The following LCOR variants were observed in gnomAD, a reference collection of about 807,000 sequenced individuals.
LCOR encodes ligand-dependent corepressor.
A neutral mutation model predicts 64.4 loss-of-function variants in LCOR; 14 were observed. The observed-to-expected ratio is 0.22, with a 90% CI of 0.14 to 0.34. The LOEUF (loss-of-function observed/expected upper bound fraction) is 0.34. LCOR is among the 10% of genes least tolerant of loss of function. The probability of loss-of-function intolerance (pLI) is 1.00; values close to 1 mark genes in which losing one functional copy is unlikely to be tolerated. For missense variants in LCOR, 1,686 were observed against 1,765.3 expected (o/e 0.96, Z 0.80); for synonymous variants, 643 against 642.5 (o/e 1.00, Z -0.01).
At chr10:96,899,576 T>A (rs1846598670) in intron 2 of LCOR, among the ~76,000 whole-genome samples, 1 of 152,114 alleles carries the variant, frequency 6.6e-6, no homozygotes, top group Non-Finnish European at 1.5e-5. Flanking sequence ...TTAACAAACT[T>A]TTGATAAATA....
intron 2 of LCOR, among the ~76,000 whole-genome samples, chr10:96,834,248 A>C (rs1845401358): frequency 6.6e-6 from 1 of 152,222 alleles, no homozygotes; most frequent in Non-Finnish European, 1.5e-5. Flanking sequence ...TGGTTGTCCA[A>C]AGGTTAAAAG....
At chr10:96,953,621 C>T (rs773670792) in intron 7 of LCOR, among the ~76,000 whole-genome samples, 11 of 152,174 alleles carry the variant, frequency 7.2e-5, no homozygotes, top group African/African-American at 1.2e-4. Flanking sequence ...AGTCCATGTG[C>T]AGTTTGCATA....
intron 4 of LCOR, among the ~76,000 whole-genome samples, chr10:96,919,512 A>G (rs1283916225): frequency 6.6e-6 from 1 of 152,030 alleles, no homozygotes; most frequent in East Asian, 1.9e-4. Flanking sequence ...AAATTACGGT[A>G]AAATATACAT....
chr10:96,900,366 AG>A (rs1846612593), intron 2 of LCOR, among the ~76,000 whole-genome samples: 1 of 152,122 alleles, frequency 6.6e-6, no homozygotes, highest in Non-Finnish European at 1.5e-5. Context: ...TTTTAAAAAA[AG>A]AAACCTGAAA....
At position 96,986,619 on chromosome 10, in the gene LCOR, C is replaced by T. The variant is rs1251874885; in HGVS notation, c.*1485C>T. ...TGCCTTTCCCAGGTGAAGCCTGAGA[C>T]AGGCGCATTGGCTTCAACCTAGTGC... On this transcript the variant is annotated 3_prime_UTR_variant, in exon 8 of 8. Transcript: ENST00000421806. 1 of 152,230 alleles carries T rather than the reference C, an allele frequency of 6.6e-6. No individual in the cohort carries two copies. Among genetic ancestry groups the T allele is most frequent in the Non-Finnish European group, 1.5e-5 (1 of 68,042 alleles). 9.4% of individuals were successfully genotyped at this position (152,230 alleles called of 1,614,324 possible).
chr10:96,920,751 T>TATATGTACACACAC (rs761907103), intron 4 of LCOR, among the ~76,000 whole-genome samples: 4 of 118,866 alleles, frequency 3.4e-5, no homozygotes, highest in African/African-American at 1.2e-4. Context: ...TATATATGTA[T>TATATGTACACACAC]ACACACACAC....
At chr10:96,957,430 A>G in intron 7 of LCOR, 15 of 985,242 alleles carry the variant, frequency 1.5e-5, no homozygotes, top group Non-Finnish European at 1.8e-5. Context: ...AAGCCCATGG[A>G]ATTTAATTTT....
rs567085860 is a variant in LCOR at position 96,939,064 on chromosome 10, AAAG to A, written c.-183-5043_-183-5041del. On this transcript the variant is annotated intron_variant, in intron 4 of 7. Transcript: ENST00000421806. ...TTCAAATAGTCTAAACAGTCTTGTA[AAAG>A]AAGAACAAATTGGGAGGATTTACAC... Among the ~76,000 whole-genome samples the A allele has an allele frequency of 3.1e-3, 467 of 152,380 alleles. 1 individual carries two copies. Among genetic ancestry groups the A allele is most frequent in the Non-Finnish European group, 5.6e-3 (378 of 68,034 alleles).
At chr10:96,886,458 C>T (rs921575806) in intron 2 of LCOR, among the ~76,000 whole-genome samples, 10 of 152,086 alleles carry the variant, frequency 6.6e-5, no homozygotes, top group Non-Finnish European at 1.3e-4. Flanking sequence ...TCAGATTTTC[C>T]GATTAGGGAT....
chr10:96,956,833 T>C (rs1431804302), intron 7 of LCOR: 1 of 985,596 alleles, frequency 1.0e-6, no homozygotes, highest in Non-Finnish European at 1.2e-6. Context: ...TCAGTCCTTT[T>C]ACAGAATTGA....
intron 1 of LCOR, among the ~76,000 whole-genome samples, 182 bp downstream of exon 1, chr10:96,832,581 C>T (rs2134351509): frequency 6.8e-6 from 1 of 147,152 alleles, no homozygotes; most frequent in South Asian, 2.2e-4. Context: ...GGCGGGCTCC[C>T]CTGCTCGGCC....
intron 2 of LCOR, among the ~76,000 whole-genome samples, chr10:96,870,535 T>G (rs777874514): frequency 2.0e-5 from 3 of 152,218 alleles, no homozygotes; most frequent in Non-Finnish European, 4.4e-5. Flanking sequence ...TCTCATAGAC[T>G]CTTCAGATCT....
intron 2 of LCOR, among the ~76,000 whole-genome samples, chr10:96,868,009 C>T (rs1001038439): frequency 2.0e-5 from 3 of 151,720 alleles, no homozygotes; most frequent in African/African-American, 7.3e-5. Flanking sequence ...CTCAGCCTCC[C>T]GAGTAGCTGG....
rs1344980668 is a variant in LCOR at position 96,993,688 on chromosome 10, G to A, written c.*8554G>A. 6.6e-6 allele frequency: 1 copy of A among 151,060 alleles called. No individual in the cohort carries two copies. The highest frequency in any genetic ancestry group is 1.9e-4 in the East Asian group (1 of 5,166). The allele number at this position is 151,060 out of a possible 1,614,324, so 9.4% of individuals were successfully genotyped here. On this transcript the variant is annotated 3_prime_UTR_variant, in exon 8 of 8. Coordinates refer to ENST00000421806, the MANE Select transcript of LCOR (RefSeq NM_001346516.2). ...GAGAGCTGTTTGGGGCCTTTGATCT[G>A]TAATGTTACATCAAATCTGAGCTTT...
intron 2 of LCOR, among the ~76,000 whole-genome samples, chr10:96,839,943 A>G (rs902970201): frequency 6.6e-5 from 10 of 152,184 alleles, no homozygotes; most frequent in Middle Eastern, 3.2e-3. Flanking sequence ...GGCCTCCCAG[A>G]GTGCTGGGAT....
At chr10:96,927,335 G>T (rs192477689) in intron 4 of LCOR, among the ~76,000 whole-genome samples, 21 of 151,632 alleles carry the variant, frequency 1.4e-4, no homozygotes, top group Admixed American at 1.3e-3. Flanking sequence ...ACCAATTTTA[G>T]AAAACATTAT....
chr10:96,870,853 T>C (rs1180566697), intron 2 of LCOR, among the ~76,000 whole-genome samples: 1 of 152,236 alleles, frequency 6.6e-6, no homozygotes, highest in Non-Finnish European at 1.5e-5. Context: ...ACAAAAGCTT[T>C]GGACAATAGT....
chr10:96,845,944 C>T (rs536301022), intron 2 of LCOR, among the ~76,000 whole-genome samples: 145 of 152,100 alleles, frequency 9.5e-4, no homozygotes, highest in African/African-American at 3.3e-3. Context: ...TTGTGGCTCA[C>T]GCCTGTAATA....
In LCOR at chr10:96,984,702, G is replaced by T. The variant is rs1172826563; in HGVS notation, c.4242G>T (p.Gly1414=). ...GSSPPDSKNK[G]PTVKASKEKH... ...GCCCTCCAGATAGTAAGAACAAGGG[G>T]CCTACGGTGAAAGCCAGCAAAGAAA... Residue 1414 remains glycine (G), a synonymous_variant, in exon 8 of 8, where the codon GGG becomes GGT. Coordinates refer to ENST00000421806, the MANE Select transcript of LCOR (RefSeq NM_001346516.2). The T allele has an allele frequency of 1.2e-6, 2 of 1,614,024 alleles. No homozygotes were observed. Among genetic ancestry groups the T allele is most frequent in the Non-Finnish European group, 1.7e-6 (2 of 1,180,028 alleles).
Sources: gnomAD v4.1 joint callset for allele counts (sites outside exome capture counted in the v4.1 genomes callset) on GRCh38, gnomAD v4.1.1 for gene constraint, MANE v1.5 for transcripts, NCBI Gene and HGNC (gene_info 2026-07-23, HGNC 2026-07-21) for gene names.